GALNTL6: variants seen among roughly 807,000 people sequenced by gnomAD.
GALNTL6 encodes the protein polypeptide N-acetylgalactosaminyltransferase like 6, also known as polypeptide N-acetylgalactosaminyltransferase-like 6.
A neutral mutation model predicts 73.7 loss-of-function variants in GALNTL6; 46 were observed. The ratio of observed to expected loss-of-function variants is 0.62; its 90% CI spans 0.49 to 0.80. The LOEUF is 0.80. GALNTL6 is among the 30% of genes least tolerant of loss of function. The pLI, the probability that GALNTL6 is intolerant of heterozygous loss-of-function variation, is 0.00. For synonymous variants in GALNTL6, 259 were observed against 263.7 expected (o/e 0.98, Z 0.17); for missense variants, 604 against 755.0 (o/e 0.80, Z 2.34).
At chr4:172,621,482 G>A (rs1310597612) in intron 5 of GALNTL6, among the ~76,000 whole-genome samples, 3 of 152,110 alleles carry the variant, frequency 2.0e-5, no homozygotes, top group South Asian at 2.1e-4. Context: ...CCCTAATTCT[G>A]TTATCAACAA....
At chr4:172,687,449 G>A (rs1732986597) in intron 5 of GALNTL6, among the ~76,000 whole-genome samples, 1 of 151,804 alleles carries the variant, frequency 6.6e-6, no homozygotes, top group Admixed American at 6.6e-5. Flanking sequence ...CCAACACAGT[G>A]AAACCCCGTC....
intron 2 of GALNTL6, among the ~76,000 whole-genome samples, chr4:172,019,387 A>T (rs953806348): frequency 2.0e-5 from 3 of 152,008 alleles, no homozygotes; most frequent in African/African-American, 7.2e-5. Flanking sequence ...TGAATGGATT[A>T]AAAAAAAGAC....
At chr4:171,822,876 T>TA (rs1734722417) in intron 2 of GALNTL6, among the ~76,000 whole-genome samples, 1 of 152,170 alleles carries the variant, frequency 6.6e-6, no homozygotes, top group South Asian at 2.1e-4. Context: ...TTAGAAGAGG[T>TA]AAAAAATATG....
intron 5 of GALNTL6, among the ~76,000 whole-genome samples, chr4:172,593,643 A>C (rs1199680131): frequency 6.6e-6 from 1 of 151,522 alleles, no homozygotes; most frequent in Non-Finnish European, 1.5e-5. Flanking sequence ...AACACTGATT[A>C]CTCATTAAGC....
intron 5 of GALNTL6, among the ~76,000 whole-genome samples, chr4:172,764,046 T>C (rs1222574292): frequency 6.7e-6 from 1 of 150,342 alleles, no homozygotes; most frequent in Admixed American, 6.7e-5. Flanking sequence ...GCAACCTCCA[T>C]GTCCTGTGTT....
intron 5 of GALNTL6, among the ~76,000 whole-genome samples, chr4:172,435,759 A>T (rs1014511293): frequency 6.6e-6 from 1 of 152,184 alleles, no homozygotes; most frequent in African/African-American, 2.4e-5. Flanking sequence ...TAGAAAGAAA[A>T]GCACCGAAGA....
intron 5 of GALNTL6, among the ~76,000 whole-genome samples, chr4:172,467,066 A>G (rs1496711): frequency 0.42 from 64,157 of 152,038 alleles, 16,373 homozygotes; most frequent in South Asian, 0.67. Context: ...TTATTAATCA[A>G]TACATCAACT....
chr4:172,470,933 G>A (rs1733023669), intron 5 of GALNTL6, among the ~76,000 whole-genome samples: 1 of 152,146 alleles, frequency 6.6e-6, no homozygotes, highest in African/African-American at 2.4e-5. Flanking sequence ...CCAACACCCA[G>A]GTTTGCGTAT....
chr4:172,184,072 G>A (rs1735343231), intron 2 of GALNTL6, among the ~76,000 whole-genome samples: 1 of 152,156 alleles, frequency 6.6e-6, no homozygotes, highest in African/African-American at 2.4e-5. Flanking sequence ...TTACAGGCAT[G>A]AGCCACCGCA....
chr4:172,053,898 T>C (rs1730948084), intron 2 of GALNTL6, among the ~76,000 whole-genome samples: 1 of 152,078 alleles, frequency 6.6e-6, no homozygotes, highest in Non-Finnish European at 1.5e-5. Context: ...AAATAATATA[T>C]ATCCATGGGC....
chr4:172,956,579 A>C (rs1206990665), intron 10 of GALNTL6, among the ~76,000 whole-genome samples: 1 of 152,112 alleles, frequency 6.6e-6, no homozygotes, highest in Non-Finnish European at 1.5e-5. Flanking sequence ...AGTGAATAGG[A>C]GTATGACTAG....
At chr4:172,360,643 G>A (rs761965971) in intron 5 of GALNTL6, among the ~76,000 whole-genome samples, 9 of 152,022 alleles carry the variant, frequency 5.9e-5, no homozygotes, top group East Asian at 3.9e-4. Flanking sequence ...ATGGGGTACC[G>A]TCTATGTAGG....
At chr4:172,122,474 G>A (rs1460617881) in intron 2 of GALNTL6, among the ~76,000 whole-genome samples, 2 of 152,150 alleles carry the variant, frequency 1.3e-5, no homozygotes, top group Admixed American at 6.5e-5. Context: ...CATCAGGCAC[G>A]AAACTTACCT....
At chr4:172,049,215 G>T (rs1265334810) in intron 2 of GALNTL6, among the ~76,000 whole-genome samples, 1 of 149,168 alleles carries the variant, frequency 6.7e-6, no homozygotes, top group African/African-American at 2.5e-5. Context: ...AAAATACTGA[G>T]ACTTCATGAA....
At position 172,761,635 on chromosome 4, in the gene GALNTL6, G is replaced by A. The variant is rs931113552; in HGVS notation, c.554-47726G>A. On this transcript the variant is annotated intron_variant, in intron 5 of 12. Transcript: ENST00000506823. ...GAATGAGTTCTCATGAGATCTGATG[G>A]TTTAAAAGTGTGAGAGCTTCGCCCT... Among the ~76,000 whole-genome samples, 6 of 150,582 alleles carry A rather than the reference G, an allele frequency of 4.0e-5. 1 individual carries two copies. Among genetic ancestry groups the A allele is most frequent in the African/African-American group, 9.8e-5 (4 of 40,780 alleles).
rs536708797 is a variant in GALNTL6, at chr4:172,184,407, T to C, written c.139-45249T>C. ...TATTGTGAGTGTTGTGAGTAATGAA[T>C]TCTTTTGTCTCTGAACCAGGGGTCT... is the stretch of plus-strand genomic sequence containing the variant. On this transcript the variant is annotated intron_variant, in intron 2 of 12. Transcript: ENST00000506823. 2.6e-5 allele frequency among the ~76,000 whole-genome samples: 4 copies of C among 152,304 alleles called. No individual in the cohort carries two copies. In the East Asian group the frequency reaches 7.7e-4, roughly 29 times the overall value.
At chr4:171,996,531 A>G (rs1740489600) in intron 2 of GALNTL6, among the ~76,000 whole-genome samples, 1 of 152,040 alleles carries the variant, frequency 6.6e-6, no homozygotes, top group African/African-American at 2.4e-5. Flanking sequence ...TAAAAGCAAG[A>G]CTGTGCGTTT....
intron 2 of GALNTL6, among the ~76,000 whole-genome samples, chr4:172,151,375 T>A (rs535223890): frequency 8.5e-5 from 13 of 152,206 alleles, no homozygotes; most frequent in Non-Finnish European, 1.5e-4. Flanking sequence ...AATACTCGTA[T>A]CCTGATGAAT....
chr4:172,543,361 A>G (rs1488546924), intron 5 of GALNTL6, among the ~76,000 whole-genome samples: 2 of 152,214 alleles, frequency 1.3e-5, no homozygotes, highest in African/African-American at 4.8e-5. Flanking sequence ...TCCAAAAGCT[A>G]AGTAAACTTT....
Sources: allele counts gnomAD v4.1 joint callset (sites outside exome capture counted in the v4.1 genomes callset), GRCh38; gene constraint gnomAD v4.1.1; transcripts MANE v1.5; gene names NCBI Gene and HGNC (gene_info 2026-07-23, HGNC 2026-07-21).